PFKFB1: variants seen among roughly 807,000 people sequenced by gnomAD.
PFKFB1 encodes 6-phosphofructo-2-kinase/fructose-2,6-biphosphatase 1, also known as 6-phosphofructo-2-kinase/fructose-2,6-bisphosphatase 1.
A neutral mutation model predicts 46.4 loss-of-function variants in PFKFB1; 34 were observed. The ratio of observed to expected loss-of-function variants is 0.73; its 90% CI spans 0.56 to 0.98. The LOEUF (loss-of-function observed/expected upper bound fraction) is 0.98. Ranked by LOEUF, PFKFB1 falls within the 50% of genes least tolerant of loss-of-function variation. PFKFB1 has a pLI of 0.00. For missense variants in PFKFB1, 393 were observed against 376.3 expected (o/e 1.04, Z -0.37); for synonymous variants, 119 against 133.8 (o/e 0.89, Z 0.76).
chrX:54,973,799 GA>G (rs1394941946), intron 1 of PFKFB1, among the ~76,000 whole-genome samples: 2 of 110,758 alleles, frequency 1.8e-5, no homozygotes, highest in African/African-American at 6.6e-5. Flanking sequence ...TGTGGTGCTG[GA>G]AAAAATGTAT....
chrX:54,965,575 G>C (rs1275624405), intron 1 of PFKFB1, among the ~76,000 whole-genome samples: 1 of 111,796 alleles, frequency 8.9e-6, no homozygotes, highest in Non-Finnish European at 1.9e-5. Context: ...TCTTCAGAAA[G>C]AGGGTTATGA....
intron 1 of PFKFB1, among the ~76,000 whole-genome samples, chrX:54,968,279 C>T (rs1934533555): frequency 1.4e-5 from 1 of 71,417 alleles, no homozygotes; most frequent in African/African-American, 5.7e-5. Flanking sequence ...AATGAGAACA[C>T]ATGGACACAG....
intron 1 of PFKFB1, among the ~76,000 whole-genome samples, chrX:54,985,576 CCAGAAGGTAATT>C (rs1207262830): frequency 9.1e-6 from 1 of 110,426 alleles, no homozygotes; most frequent in Admixed American, 9.7e-5. Flanking sequence ...GGAAATGATA[CCAGAAGGTAATT>C]CAAACCCACA....
At position 54,933,816 on chromosome X, in the gene PFKFB1, C is replaced by T. The variant is rs1309649361; in HGVS notation, c.1356+5G>A. 8 of 1,202,681 alleles carry T rather than the reference C, an allele frequency of 6.7e-6. No individual in the cohort carries two copies. Among genetic ancestry groups the T allele is most frequent in the South Asian group, 3.5e-5 (2 of 56,530 alleles). ...CCAGCTTGGGCCATGGAGTCCCCCA[C>T]CTACCTCAGGCTTCTCCCGGTGTGT... On this transcript the variant is annotated splice_donor_5th_base_variant and intron_variant, in intron 13 of 13. Coordinates refer to ENST00000375006, the MANE Select transcript of PFKFB1 (RefSeq NM_002625.4).
At chrX:54,966,881 A>C (rs1051788931) in intron 1 of PFKFB1, among the ~76,000 whole-genome samples, 3 of 111,807 alleles carry the variant, frequency 2.7e-5, no homozygotes, top group African/African-American at 9.8e-5. Context: ...AGTTTTGAAA[A>C]AGCAACAGTG....
chrX:54,990,244 A>G (rs1216594219), intron 1 of PFKFB1, among the ~76,000 whole-genome samples: 1 of 111,523 alleles, frequency 9.0e-6, no homozygotes, highest in Non-Finnish European at 1.9e-5. Flanking sequence ...TTTTAGAATT[A>G]TAAAAGTGTC....
At chrX:54,996,868 G>A (rs1160759268), upstream of PFKFB1, among the ~76,000 whole-genome samples, 2 of 111,310 alleles carry the variant, frequency 1.8e-5, no homozygotes, top group African/African-American at 6.5e-5. Context: ...CTGGTTTGAT[G>A]TTCACTTCCT....
upstream of PFKFB1, chrX:54,998,472 A>G: frequency 1.8e-6 from 2 of 1,126,711 alleles, no homozygotes; most frequent in Non-Finnish European, 2.4e-6. Context: ...GCATTTACAG[A>G]CCCCCAAGGC....
intron 11 of PFKFB1, among the ~76,000 whole-genome samples, chrX:54,935,898 G>A (rs1271196012): frequency 1.8e-5 from 2 of 111,248 alleles, no homozygotes; most frequent in Non-Finnish European, 3.8e-5. Context: ...CAGGATCACC[G>A]ACCCTCATGG....
chrX:54,938,583 G>C (rs1317591875), intron 10 of PFKFB1, among the ~76,000 whole-genome samples: 5 of 111,094 alleles, frequency 4.5e-5, no homozygotes, highest in Non-Finnish European at 9.4e-5. Context: ...AAAAAAGGCA[G>C]GGGTTGCAAT....
intron 1 of PFKFB1, among the ~76,000 whole-genome samples, chrX:54,963,906 T>A (rs1320281579): frequency 9.0e-6 from 1 of 111,646 alleles, no homozygotes; most frequent in Non-Finnish European, 1.9e-5. Context: ...TTCCCTATAT[T>A]CTCTATGGAG....
At chrX:54,994,718 C>T (rs1296143597), upstream of PFKFB1, 3 of 753,421 alleles carry the variant, frequency 4.0e-6, no homozygotes, top group Non-Finnish European at 4.7e-6. Context: ...CTGGATTCTG[C>T]TGCCTTCCTT....
At chrX:54,948,948 G>A in intron 9 of PFKFB1, 127 bp downstream of exon 9, 1 of 692,831 alleles carries the variant, frequency 1.4e-6, no homozygotes, top group Non-Finnish European at 2.2e-6. Flanking sequence ...CTAGCACATG[G>A]CTAGTTGTCA....
chrX:54,954,744 A>G (rs916951086), intron 7 of PFKFB1, among the ~76,000 whole-genome samples: 1 of 111,807 alleles, frequency 8.9e-6, no homozygotes, highest in Non-Finnish European at 1.9e-5. Context: ...AACTAACTGG[A>G]CATTCTGTCA....
At chrX:54,958,260 TA>T in intron 6 of PFKFB1, 45 bp downstream of exon 6, 1 of 856,861 alleles carries the variant, frequency 1.2e-6, no homozygotes, top group Non-Finnish European at 1.7e-6. Context: ...AGGCATGATC[TA>T]AGCCTAAGGC....
intron 1 of PFKFB1, among the ~76,000 whole-genome samples, chrX:54,964,283 A>T (rs1934406073): frequency 9.0e-6 from 1 of 111,192 alleles, no homozygotes; most frequent in Non-Finnish European, 1.9e-5. Context: ...AGACTTAATC[A>T]GCATAGCATA....
intron 12 of PFKFB1, 67 bp downstream of exon 12, chrX:54,934,880 G>A (rs1262812130): frequency 4.4e-6 from 4 of 913,483 alleles, no homozygotes; most frequent in Middle Eastern, 5.5e-4. Context: ...CTGGGCAAAT[G>A]GTAGGCACTA....
In PFKFB1 at chrX:54,956,269, C is replaced by T. The variant is rs1474614633; in HGVS notation, c.522G>A (p.Val174=). The T allele has an allele frequency of 8.3e-7, 1 of 1,210,921 alleles. No homozygotes were observed. The highest frequency in any genetic ancestry group is 2.2e-5 in the Admixed American group (1 of 45,989). ...PGIIAENIRQ[V]KLGSPDYIDC... ...CTATATAATCAGGGCTGCCAAGTTT[C>T]ACTTGCTGGGAGCAGGGAGAACAGA... Residue 174 remains valine, a synonymous_variant, in exon 7 of 14, where the codon GTG becomes GTA. Transcript: ENST00000375006.
In PFKFB1 at chrX:54,952,114, T is replaced by A. The variant is rs767413817; in HGVS notation, c.639-2A>T. 8.3e-7 allele frequency: 1 copy of A among 1,204,398 alleles called. No individual in the cohort carries two copies. The highest frequency in any genetic ancestry group is 3.0e-5 in the East Asian group (1 of 33,736). On this transcript the variant is annotated splice_acceptor_variant, in intron 7 of 13. Transcript: ENST00000375006. LOFTEE classifies it high-confidence loss of function. Reference sequence around the variant, plus strand: ...AAGATCTTGATGTAGGACAGGTGGCTGGGCCAGACCCAAGCAGGAGCAAGG... The same window carrying A: ...AAGATCTTGATGTAGGACAGGTGGCAGGGCCAGACCCAAGCAGGAGCAAGG...
Sources: allele counts gnomAD v4.1 joint callset (sites outside exome capture counted in the v4.1 genomes callset), GRCh38; gene constraint gnomAD v4.1.1; transcripts MANE v1.5; gene names NCBI Gene and HGNC (gene_info 2026-07-23, HGNC 2026-07-21).